Variants in LPCAT2 observed in about 807,000 individuals in gnomAD.
LPCAT2 encodes 1-AGP acyltransferase 11.
LPCAT2 carries 58 observed loss-of-function variants against 64.7 expected under a neutral mutation model. That is an observed-to-expected ratio of 0.90 (90% CI 0.73 to 1.12). The LOEUF is 1.12. Ranked by LOEUF, LPCAT2 falls within the 50% of genes most tolerant of loss-of-function variation. The probability of loss-of-function intolerance (pLI) is 0.00; values close to 1 mark genes in which losing one functional copy is unlikely to be tolerated. For missense variants in LPCAT2, 579 were observed against 669.8 expected (o/e 0.86, Z 1.50); for synonymous variants, 252 against 245.3 (o/e 1.03, Z -0.26).
intron 1 of LPCAT2, among the ~76,000 whole-genome samples, chr16:55,519,501 T>C (rs575270238): frequency 1.6e-5 from 2 of 121,910 alleles, no homozygotes; most frequent in Non-Finnish European, 3.6e-5. Context: ...AGAGCGAGAC[T>C]CCATCACAAA....
chr16:55,516,899 AATAAAT>A (rs1963020358), intron 1 of LPCAT2, among the ~76,000 whole-genome samples: 1 of 152,216 alleles, frequency 6.6e-6, no homozygotes, highest in Admixed American at 6.5e-5. Flanking sequence ...AACAATTCTC[AATAAAT>A]ATAAAGTGGT....
chr16:55,526,398 C>G (rs1393702698), intron 2 of LPCAT2, among the ~76,000 whole-genome samples: 1 of 152,108 alleles, frequency 6.6e-6, no homozygotes, highest in African/African-American at 2.4e-5. Context: ...GGTTTCAGGG[C>G]ATTGTCAAAC....
At chr16:55,550,360 T>C (rs1963502353) in intron 10 of LPCAT2, among the ~76,000 whole-genome samples, 1 of 152,232 alleles carries the variant, frequency 6.6e-6, no homozygotes, top group African/African-American at 2.4e-5. Context: ...TATAGTCTAA[T>C]GAATCCCCCT....
intron 11 of LPCAT2, among the ~76,000 whole-genome samples, chr16:55,559,407 ATG>A (rs1476053519): frequency 3.3e-5 from 5 of 152,128 alleles, no homozygotes; most frequent in African/African-American, 1.2e-4. Flanking sequence ...TGTGGAATGA[ATG>A]TGTTTCTTTA....
intron 13 of LPCAT2, among the ~76,000 whole-genome samples, chr16:55,581,502 C>T (rs1438085069): frequency 2.6e-5 from 4 of 152,006 alleles, no homozygotes; most frequent in South Asian, 2.1e-4. Flanking sequence ...TTTTGAGATA[C>T]GGTCTCACTC....
At chr16:55,526,977 G>A (rs1963179780) in intron 2 of LPCAT2, among the ~76,000 whole-genome samples, 1 of 152,040 alleles carries the variant, frequency 6.6e-6, no homozygotes, top group Non-Finnish European at 1.5e-5. Context: ...GTTATCAGAA[G>A]CTATATCACT....
At chr16:55,562,134 C>T (rs1042286344) in intron 11 of LPCAT2, among the ~76,000 whole-genome samples, 1 of 152,000 alleles carries the variant, frequency 6.6e-6, no homozygotes, top group Non-Finnish European at 1.5e-5. Flanking sequence ...AACCCCCTTC[C>T]AATCTGATTC....
chr16:55,545,921 T>G, intron 9 of LPCAT2, 104 bp downstream of exon 9: 2 of 720,450 alleles, frequency 2.8e-6, no homozygotes, highest in Non-Finnish European at 4.7e-6. Flanking sequence ...GAAGGCCTCG[T>G]TCCCCAATTC....
chr16:55,557,467 T>C (rs1255970980), intron 11 of LPCAT2, among the ~76,000 whole-genome samples: 8 of 152,210 alleles, frequency 5.3e-5, no homozygotes, highest in African/African-American at 1.4e-4. Context: ...GGAAGTTTGA[T>C]GGGAAAGGCA....
At chr16:55,555,360 T>G (rs1963562665) in intron 11 of LPCAT2, among the ~76,000 whole-genome samples, 1 of 152,252 alleles carries the variant, frequency 6.6e-6, no homozygotes, top group African/African-American at 2.4e-5. Context: ...TTGACTTTCC[T>G]CACCAATCCT....
chr16:55,582,887 A>C (rs1963902187), intron 13 of LPCAT2, 27 bp from the exon 14 acceptor site: 1 of 1,499,450 alleles, frequency 6.7e-7, no homozygotes, highest in Non-Finnish European at 9.2e-7. Flanking sequence ...ACCCCAACTT[A>C]TTGGATTTTT....
intron 11 of LPCAT2, among the ~76,000 whole-genome samples, chr16:55,565,355 G>A (rs1331518752): frequency 6.6e-6 from 1 of 151,862 alleles, no homozygotes; most frequent in African/African-American, 2.4e-5. Flanking sequence ...TCCACTTCTT[G>A]GTATATACCC....
chr16:55,531,075 A>G (rs926109480), intron 4 of LPCAT2, among the ~76,000 whole-genome samples: 5 of 152,116 alleles, frequency 3.3e-5, no homozygotes, highest in Non-Finnish European at 7.4e-5. Flanking sequence ...TCCCGTTGTC[A>G]TAGGAAACCC....
Position 55,583,261 on chromosome 16 carries a change from T to A in LPCAT2, c.*163T>A, listed in dbSNP as rs550931697. On this transcript the variant is annotated 3_prime_UTR_variant, in exon 14 of 14. Transcript: ENST00000262134. ...CTAAAAATGTTTTTATTAACCTTGC[T>A]TTTATTGGAAAAAATCAAGCAATAT... 4 of 602,042 alleles carry A rather than the reference T, an allele frequency of 6.6e-6. No homozygotes were observed. The South Asian group carries it at 8.9e-5, about 13-fold the overall frequency. 37.3% of individuals were successfully genotyped at this position (602,042 alleles called of 1,614,324 possible).
chr16:55,528,380 A>G lies in LPCAT2; in HGVS notation c.315A>G (p.Lys105=). ...CATCTTTTCTATATTTTCAAAGGAAAATTACTCAAACAGCTTTGAAATTTC... is the reference window on the plus strand; with the variant it reads ...CATCTTTTCTATATTTTCAAAGGAAGATTACTCAAACAGCTTTGAAATTTC... ...LTHPITGWRR[K]ITQTALKFLG... is the part of the protein sequence containing the mutation. The change falls in exon 3 of 14, where the codon AAA becomes AAG. Residue 105 remains lysine, a synonymous_variant. Transcript: ENST00000262134. 6.2e-7 allele frequency: 1 copy of G among 1,612,016 alleles called. No homozygotes were observed. The highest frequency in any genetic ancestry group is 8.5e-7 in the Non-Finnish European group (1 of 1,178,586).
At chr16:55,549,892 C>T (rs933106647) in intron 10 of LPCAT2, among the ~76,000 whole-genome samples, 5 of 152,140 alleles carry the variant, frequency 3.3e-5, no homozygotes, top group African/African-American at 1.2e-4. Context: ...TCTTCCTGCT[C>T]TTTTGATCTA....
chr16:55,555,692 C>A (rs1183735216), intron 11 of LPCAT2, among the ~76,000 whole-genome samples: 2 of 152,184 alleles, frequency 1.3e-5, no homozygotes, highest in Non-Finnish European at 2.9e-5. Flanking sequence ...CTGGACTTCT[C>A]TTCTGGGCTT....
At chr16:55,550,771 A>T (rs765575305) in intron 10 of LPCAT2, among the ~76,000 whole-genome samples, 178 bp from the exon 11 acceptor site, 6 of 152,228 alleles carry the variant, frequency 3.9e-5, no homozygotes, top group Non-Finnish European at 8.8e-5. Context: ...AAAATAAAAG[A>T]TTAAATGCCT....
rs16955472 is a variant in LPCAT2 at position 55,580,320 on chromosome 16, C to G, written c.1450+1076C>G. 7.3e-3 allele frequency among the ~76,000 whole-genome samples: 1,105 copies of G among 152,214 alleles called. 12 individuals are homozygous for G. The highest frequency in any genetic ancestry group is 0.016 in the African/African-American group (676 of 41,532). On this transcript the variant is annotated intron_variant, in intron 13 of 13. Transcript: ENST00000262134. ...AGATGAAACTTATGAGTCATAAATT[C>G]AAGTGTACTAATTCTTCTCTGGCTA...
Sources: gnomAD v4.1 joint callset for allele counts (sites outside exome capture counted in the v4.1 genomes callset) on GRCh38, gnomAD v4.1.1 for gene constraint, MANE v1.5 for transcripts, NCBI Gene and HGNC (gene_info 2026-07-23, HGNC 2026-07-21) for gene names.